Variants in EXOC4 observed in about 807,000 individuals in gnomAD.
The protein encoded by EXOC4 is exocyst complex component 4.
Under a neutral mutation model 107.2 loss-of-function variants are expected in EXOC4, and 71 were observed. The observed-to-expected ratio is 0.66, with a 90% confidence interval of 0.55 to 0.81. The LOEUF (loss-of-function observed/expected upper bound fraction) is 0.81. Among genes scored for constraint, EXOC4 ranks in the 30% least tolerant of loss-of-function variants. The pLI, the probability that EXOC4 is intolerant of heterozygous loss-of-function variation, is 0.00. For synonymous variants in EXOC4, 456 were observed against 441.2 expected (o/e 1.03, Z -0.42); for missense variants, 1,108 against 1,189.6 (o/e 0.93, Z 1.01).
chr7:133,629,013 G>A lies in EXOC4; in HGVS notation c.1418-1032G>A, dbSNP rs1396741407. Among the ~76,000 whole-genome samples, 5 of 152,186 alleles carry A rather than the reference G, an allele frequency of 3.3e-5. No individual in the cohort carries two copies. In the East Asian group the frequency reaches 9.6e-4, roughly 29 times the overall value. On this transcript the variant is annotated intron_variant, in intron 9 of 17. Coordinates refer to ENST00000253861, the MANE Select transcript of EXOC4 (RefSeq NM_021807.4). ...GGACATTGAAAACTCTTTAGTCAGA[G>A]TGATTCGGAAGAGCTAGACTTCAAA...
At chr7:133,544,897 A>G (rs1196055275) in intron 9 of EXOC4, among the ~76,000 whole-genome samples, 1 of 150,250 alleles carries the variant, frequency 6.7e-6, no homozygotes, top group African/African-American at 2.5e-5. Context: ...ATGAAATAAT[A>G]TGAAAAGAAG....
At chr7:133,961,568 G>A (rs975486649) in intron 14 of EXOC4, among the ~76,000 whole-genome samples, 13 of 152,142 alleles carry the variant, frequency 8.5e-5, no homozygotes, top group Non-Finnish European at 1.2e-4. Flanking sequence ...TGGGATAACA[G>A]GCATGAGCCC....
chr7:133,830,614 A>G (rs1797789229), intron 11 of EXOC4, among the ~76,000 whole-genome samples: 1 of 152,206 alleles, frequency 6.6e-6, no homozygotes, highest in African/African-American at 2.4e-5. Context: ...GTGTTTGTAA[A>G]AAATAAACTG....
At chr7:134,092,890 T>C in the EXOC4 span, among the ~76,000 whole-genome samples, 4 of 131,000 alleles carry the variant, frequency 3.1e-5, no homozygotes, top group Non-Finnish European at 4.6e-5. Context: ...GCCATTTTAC[T>C]CCAGCCTGGG....
At chr7:133,853,120 G>A (rs564039353) in intron 11 of EXOC4, among the ~76,000 whole-genome samples, 11 of 152,200 alleles carry the variant, frequency 7.2e-5, no homozygotes, top group Admixed American at 3.9e-4. Flanking sequence ...CATTTTGACT[G>A]TGGTTTAAGC....
chr7:133,908,019 C>T (rs796828781), intron 12 of EXOC4, among the ~76,000 whole-genome samples: 7 of 152,282 alleles, frequency 4.6e-5, no homozygotes, highest in African/African-American at 1.7e-4. Context: ...TTCACTCATC[C>T]TTTCCAGTAC....
At chr7:134,087,865 A>G in the EXOC4 span, among the ~76,000 whole-genome samples, 2 of 152,166 alleles carry the variant, frequency 1.3e-5, no homozygotes, top group African/African-American at 2.4e-5. Flanking sequence ...GTTTCATTTT[A>G]CTTGGCCTGA....
Position 133,630,045 on chromosome 7 carries a change from G to A in EXOC4, c.1418G>A (p.Gly473Glu). 1 of 1,611,410 alleles carries A rather than the reference G, an allele frequency of 6.2e-7. No individual in the cohort carries two copies. The highest frequency in any genetic ancestry group is 1.1e-5 in the South Asian group (1 of 90,966). The part of the protein sequence containing the change: ...ELYSRSGELQ[G>E]GPDDNLIEGG... ...CTGTTTTTTTTCTTTCTTCTGAAAG[G>A]GGGTCCTGATGACAACTTAATTGAA... Residue 473 changes from glycine to glutamate, a missense_variant and splice_region_variant, in exon 10 of 18, where the codon GGG (glycine) becomes GAG (glutamate). By Grantham distance (98) the Gly-to-Glu change is moderately conservative (BLOSUM62 -2). Transcript: ENST00000253861.
At chr7:133,492,970 G>A (rs1282505045) in intron 9 of EXOC4, among the ~76,000 whole-genome samples, 2 of 100 alleles carry the variant, frequency 0.02, no homozygotes, top group Non-Finnish European at 0.038. Context: ...TAGAGGTTCG[G>A]AGTGGTGGGT....
chr7:133,484,007 C>T (rs748112578), intron 9 of EXOC4: 41 of 1,613,186 alleles, frequency 2.5e-5, no homozygotes, highest in Middle Eastern at 1.6e-4. Context: ...CCAGTAATTT[C>T]GGTTCATACG....
chr7:133,981,653 G>A (rs1339132927), intron 14 of EXOC4, among the ~76,000 whole-genome samples: 1 of 152,050 alleles, frequency 6.6e-6, no homozygotes. Context: ...CTCTTGGTGG[G>A]AGTGTAAATT....
intron 9 of EXOC4, among the ~76,000 whole-genome samples, chr7:133,628,151 C>A (rs1439769316): frequency 6.6e-6 from 1 of 152,096 alleles, no homozygotes; most frequent in Admixed American, 6.6e-5. Flanking sequence ...AAATAGTAGC[C>A]ATCTTTCCTG....
chr7:133,658,815 T>C (rs796689593), intron 10 of EXOC4, among the ~76,000 whole-genome samples: 5 of 152,228 alleles, frequency 3.3e-5, no homozygotes, highest in African/African-American at 1.2e-4. Flanking sequence ...TGTTTAATAA[T>C]CCTGTTTAAT....
intron 12 of EXOC4, among the ~76,000 whole-genome samples, chr7:133,900,496 A>G (rs1159214124): frequency 3.9e-5 from 6 of 152,230 alleles, no homozygotes; most frequent in Non-Finnish European, 7.3e-5. Context: ...CGCGAATGTC[A>G]GACTCAAGGA....
At chr7:133,450,478 T>A (rs1381497489) in intron 7 of EXOC4, among the ~76,000 whole-genome samples, 1 of 152,190 alleles carries the variant, frequency 6.6e-6, no homozygotes, top group Non-Finnish European at 1.5e-5. Flanking sequence ...TTTCTTGAAA[T>A]GTATCTTTTC....
intron 10 of EXOC4, among the ~76,000 whole-genome samples, chr7:133,811,816 C>G (rs1797238382): frequency 6.6e-6 from 1 of 152,116 alleles, no homozygotes; most frequent in African/African-American, 2.4e-5. Flanking sequence ...AATCTGTAGT[C>G]CAAACTCTTA....
At chr7:134,075,403 A>G in the EXOC4 span, among the ~76,000 whole-genome samples, 1 of 152,230 alleles carries the variant, frequency 6.6e-6, no homozygotes, top group Non-Finnish European at 1.5e-5. Flanking sequence ...TTATAAGGAA[A>G]AAGGGGTTTA....
At position 133,779,756 on chromosome 7, in the gene EXOC4, CCTGTAAAATGGACCAATCAGCACA is replaced by C. The variant is rs368012632; in HGVS notation, c.1515-37547_1515-37524del. ...ATTTGTAAAATAGACCAATCAGCAG[CCTGTAAAATGGACCAATCAGCACA>C]CTGTAAAATGGACCAATCAGCTCTC... On this transcript the variant is annotated intron_variant, in intron 10 of 17. Transcript: ENST00000253861. Among the ~76,000 whole-genome samples, 53 of 152,010 alleles carry C rather than the reference CCTGTAAAATGGACCAATCAGCACA, an allele frequency of 3.5e-4. 3 individuals carry two copies. The highest frequency in any genetic ancestry group is 1.2e-3 in the African/African-American group (49 of 41,434).
At chr7:133,819,786 C>G (rs552866190) in intron 11 of EXOC4, among the ~76,000 whole-genome samples, 111 of 152,266 alleles carry the variant, frequency 7.3e-4, no homozygotes, top group African/African-American at 2.6e-3. Context: ...CAGAGTGAGT[C>G]TGTGAACCAA....
Sources: gnomAD v4.1 joint callset for allele counts (sites outside exome capture counted in the v4.1 genomes callset) on GRCh38, gnomAD v4.1.1 for gene constraint, MANE v1.5 for transcripts, NCBI Gene and HGNC (gene_info 2026-07-23, HGNC 2026-07-21) for gene names.